CCDC178: variants seen among roughly 807,000 people sequenced by gnomAD.
CCDC178 encodes coiled-coil domain containing 178.
A neutral mutation model predicts 117.4 loss-of-function variants in CCDC178; 126 were observed. The observed-to-expected ratio is 1.07, with a 90% CI of 0.93 to 1.24. The LOEUF is 1.24. CCDC178 is among the 50% of genes most tolerant of loss of function. CCDC178 has a pLI of 0.00. For synonymous variants in CCDC178, 283 were observed against 313.4 expected, an observed-to-expected ratio of 0.90 and a Z score of 1.02; for missense variants, 1,030 against 986.9, an observed-to-expected ratio of 1.04 and a Z score of -0.59.
chr18:33,041,856 C>A (rs375736792), intron 21 of CCDC178, among the ~76,000 whole-genome samples: 3 of 151,592 alleles, frequency 2.0e-5, no homozygotes, highest in Non-Finnish European at 4.4e-5. Context: ...CCAAGAAGCT[C>A]AATGAAGAAA....
intron 2 of CCDC178, among the ~76,000 whole-genome samples, chr18:33,436,158 G>A (rs1174966031): frequency 6.6e-6 from 1 of 151,992 alleles, no homozygotes; most frequent in African/African-American, 2.4e-5. Context: ...AAAATGAATG[G>A]GATCATAGAA....
At position 33,187,086 on chromosome 18, in the gene CCDC178, G is replaced by GGAGAGAGAGAGAGAGA. The variant is rs58400297; in HGVS notation, c.2238+24794_2238+24809dup. ...ACAAGGCACATCTTACATGGCGGCAGGAGAGAGAGAGAGAGAGAGAGAGAG... is the reference window on the plus strand; with the variant it reads ...ACAAGGCACATCTTACATGGCGGCAGGAGAGAGAGAGAGAGAGAGAGAGAGAGAGAGAGAGAGAGAG... On this transcript the variant is annotated intron_variant, in intron 20 of 22. Coordinates refer to ENST00000383096, the MANE Select transcript of CCDC178 (RefSeq NM_001105528.4). 1.9e-3 allele frequency among the ~76,000 whole-genome samples: 263 copies of GGAGAGAGAGAGAGAGA among 140,086 alleles called. 1 individual carries two copies. Among genetic ancestry groups the GGAGAGAGAGAGAGAGA allele is most frequent in the African/African-American group, 3.8e-3 (126 of 33,520 alleles). The allele number at this position is 140,086 out of a possible 152,430, so 91.9% of individuals were successfully genotyped here.
At chr18:32,976,148 G>T (rs1041515493) in intron 21 of CCDC178, among the ~76,000 whole-genome samples, 1 of 152,002 alleles carries the variant, frequency 6.6e-6, no homozygotes, top group African/African-American at 2.4e-5. Flanking sequence ...CAGTTTATGG[G>T]CATTTCAGAT....
chr18:32,972,628 G>A (rs892267990), intron 22 of CCDC178, among the ~76,000 whole-genome samples: 20 of 152,138 alleles, frequency 1.3e-4, no homozygotes, highest in African/African-American at 4.8e-4. Flanking sequence ...AAACAGGGAA[G>A]AGTATAAACA....
At chr18:33,135,351 AAATAATG>A (rs1472917370) in intron 20 of CCDC178, among the ~76,000 whole-genome samples, 1 of 152,134 alleles carries the variant, frequency 6.6e-6, no homozygotes, top group Non-Finnish European at 1.5e-5. Context: ...GCACACAAAA[AAATAATG>A]TATTTTACAA....
chr18:33,294,742 C>A (rs1335473491), intron 11 of CCDC178, among the ~76,000 whole-genome samples: 1 of 152,130 alleles, frequency 6.6e-6, no homozygotes, highest in Admixed American at 6.5e-5. Flanking sequence ...ATTAAGTTTT[C>A]TTCTTTTGAA....
chr18:33,310,064 C>A (rs986191349), intron 11 of CCDC178, among the ~76,000 whole-genome samples: 2 of 151,944 alleles, frequency 1.3e-5, no homozygotes, highest in Non-Finnish European at 2.9e-5. Context: ...TGGGTTCAAG[C>A]AATTCCCCTG....
At chr18:33,330,713 G>A (rs183032428) in intron 10 of CCDC178, among the ~76,000 whole-genome samples, 277 of 152,168 alleles carry the variant, frequency 1.8e-3, no homozygotes, top group African/African-American at 6.4e-3. Flanking sequence ...TAGGTTGGCA[G>A]GCTAAAGACC....
chr18:33,379,029 A>G (rs1436503603), intron 5 of CCDC178, among the ~76,000 whole-genome samples: 1 of 150,638 alleles, frequency 6.6e-6, no homozygotes, highest in African/African-American at 2.4e-5. Flanking sequence ...TCATCTGGAG[A>G]TGCTGGCAAC....
At chr18:33,149,259 C>T (rs771266711) in intron 20 of CCDC178, among the ~76,000 whole-genome samples, 4 of 152,114 alleles carry the variant, frequency 2.6e-5, no homozygotes, top group Admixed American at 1.3e-4. Flanking sequence ...TTCTGGAAGC[C>T]AGAAAGCAAA....
chr18:33,272,820 GA>G (rs2059905551), intron 12 of CCDC178, among the ~76,000 whole-genome samples: 1 of 151,270 alleles, frequency 6.6e-6, no homozygotes, highest in South Asian at 2.1e-4. Context: ...AATGAATGTA[GA>G]AAAATCATTT....
At chr18:33,366,397 CA>C (rs1404800435) in intron 6 of CCDC178, among the ~76,000 whole-genome samples, 2 of 151,886 alleles carry the variant, frequency 1.3e-5, no homozygotes, top group East Asian at 3.9e-4. Flanking sequence ...ATCATTGCAC[CA>C]AACTTTTGTA....
chr18:33,024,197 T>C (rs558174918), intron 21 of CCDC178, among the ~76,000 whole-genome samples: 3 of 152,338 alleles, frequency 2.0e-5, no homozygotes, highest in South Asian at 4.1e-4. Flanking sequence ...TTATATACAT[T>C]CTCTGTATCA....
chr18:33,122,663 C>T (rs2057953013), intron 20 of CCDC178, among the ~76,000 whole-genome samples: 1 of 152,060 alleles, frequency 6.6e-6, no homozygotes, highest in South Asian at 2.1e-4. Context: ...AGCAACAATG[C>T]AACTAGCATG....
intron 20 of CCDC178, among the ~76,000 whole-genome samples, chr18:33,134,335 T>C (rs2058101118): frequency 6.6e-6 from 1 of 151,992 alleles, no homozygotes; most frequent in Non-Finnish European, 1.5e-5. Flanking sequence ...AGAGATTGTG[T>C]CCAACATCTG....
chr18:33,268,621 A>G (rs537230359), intron 12 of CCDC178, among the ~76,000 whole-genome samples: 1 of 151,820 alleles, frequency 6.6e-6, no homozygotes, highest in Non-Finnish European at 1.5e-5. Context: ...TTGACAGCAC[A>G]TTTTATAAAA....
chr18:33,115,313 A>G (rs1364758807), intron 20 of CCDC178, among the ~76,000 whole-genome samples: 1 of 152,018 alleles, frequency 6.6e-6, no homozygotes, highest in Admixed American at 6.6e-5. Context: ...ACATAGCTCT[A>G]TTTTATTTAA....
chr18:33,094,026 A>G (rs1323126325), intron 20 of CCDC178, among the ~76,000 whole-genome samples: 1 of 152,024 alleles, frequency 6.6e-6, no homozygotes, highest in African/African-American at 2.4e-5. Context: ...GAATGTGTAT[A>G]GAGGAAATGT....
chr18:32,973,804 C>T (rs1328285895), intron 22 of CCDC178, among the ~76,000 whole-genome samples: 2 of 151,994 alleles, frequency 1.3e-5, no homozygotes, highest in Non-Finnish European at 2.9e-5. Context: ...TTTCACAGAA[C>T]AGGCATTCTA....
Sources: gnomAD v4.1 joint callset for allele counts (sites outside exome capture counted in the v4.1 genomes callset) on GRCh38, gnomAD v4.1.1 for gene constraint, MANE v1.5 for transcripts, NCBI Gene and HGNC (gene_info 2026-07-23, HGNC 2026-07-21) for gene names.